NAALADL2: variants seen among roughly 807,000 people sequenced by gnomAD.
The protein encoded by NAALADL2 is N-acetylated alpha-linked acidic dipeptidase like 2, also known as inactive N-acetylated-alpha-linked acidic dipeptidase-like protein 2.
NAALADL2 carries 76 observed loss-of-function variants against 87.2 expected under a neutral mutation model. The ratio of observed to expected loss-of-function variants is 0.87; its 90% confidence interval spans 0.72 to 1.05. The LOEUF is 1.05. Ranked by LOEUF, NAALADL2 falls within the 50% of genes least tolerant of loss-of-function variation. The pLI, the probability that NAALADL2 is intolerant of heterozygous loss-of-function variation, is 0.00. For synonymous variants in NAALADL2, 354 were observed against 331.0 expected, an observed-to-expected ratio of 1.07 and a Z score of -0.75; for missense variants, 1,089 against 945.8, an observed-to-expected ratio of 1.15 and a Z score of -1.99.
At chr3:175,317,704 C>T (rs1312919722) in intron 4 of NAALADL2, among the ~76,000 whole-genome samples, 4 of 151,920 alleles carry the variant, frequency 2.6e-5, no homozygotes, top group Non-Finnish European at 4.4e-5. Flanking sequence ...TGTAAATAGC[C>T]CAAATCATAC....
intron 10 of NAALADL2, among the ~76,000 whole-genome samples, chr3:175,617,784 A>C (rs1725546961): frequency 6.6e-6 from 1 of 152,204 alleles, no homozygotes; most frequent in African/African-American, 2.4e-5. Context: ...GAGAAGCTTT[A>C]CCAAGGCCTC....
chr3:175,268,482 T>C (rs1752312241), intron 4 of NAALADL2, among the ~76,000 whole-genome samples: 1 of 152,070 alleles, frequency 6.6e-6, no homozygotes, highest in Non-Finnish European at 1.5e-5. Context: ...TTATAAACAC[T>C]TTACAATTAG....
chr3:175,092,032 GA>G (rs1720231803), intron 1 of NAALADL2, among the ~76,000 whole-genome samples: 1 of 151,664 alleles, frequency 6.6e-6, no homozygotes, highest in Admixed American at 6.6e-5. Flanking sequence ...AGAATTCGTG[GA>G]AAAAAATAGT....
chr3:175,092,777 G>A (rs551240931), intron 1 of NAALADL2, among the ~76,000 whole-genome samples: 30 of 151,986 alleles, frequency 2.0e-4, no homozygotes, highest in South Asian at 4.1e-4. Flanking sequence ...GTATGTAAAA[G>A]ATAAATGTCT....
intron 9 of NAALADL2, among the ~76,000 whole-genome samples, chr3:175,507,372 A>G (rs1397245890): frequency 3.3e-5 from 5 of 152,102 alleles, no homozygotes; most frequent in African/African-American, 1.2e-4. Context: ...TTCAGCTCTT[A>G]ACTATCCAGC....
intron 11 of NAALADL2, among the ~76,000 whole-genome samples, chr3:175,693,930 T>G (rs753947367): frequency 3.3e-5 from 5 of 152,142 alleles, no homozygotes; most frequent in Admixed American, 6.5e-5. Context: ...CTTGACCTAG[T>G]GATTCATCTG....
intron 2 of NAALADL2, among the ~76,000 whole-genome samples, chr3:174,716,270 C>G (rs954376570): frequency 2.6e-5 from 4 of 152,076 alleles, no homozygotes; most frequent in African/African-American, 9.7e-5. Flanking sequence ...GCCAGATCAG[C>G]CAACTAACCA....
intron 2 of NAALADL2, among the ~76,000 whole-genome samples, chr3:175,195,435 G>C (rs1738838891): frequency 6.6e-6 from 1 of 151,788 alleles, no homozygotes; most frequent in African/African-American, 2.4e-5. Flanking sequence ...GGTGAGGAGG[G>C]GGTGCTGAAT....
At chr3:174,729,656 T>C (rs1345554825) in intron 2 of NAALADL2, among the ~76,000 whole-genome samples, 3 of 152,084 alleles carry the variant, frequency 2.0e-5, no homozygotes, top group African/African-American at 7.2e-5. Context: ...ATATTCTATC[T>C]TTTAATATAA....
intron 2 of NAALADL2, among the ~76,000 whole-genome samples, chr3:175,140,970 A>C (rs745713780): frequency 1.3e-5 from 2 of 152,182 alleles, no homozygotes; most frequent in Admixed American, 6.5e-5. Flanking sequence ...CAGAGTGGAT[A>C]ATTTTAAAAA....
chr3:174,721,877 A>G (rs955942719), intron 2 of NAALADL2, among the ~76,000 whole-genome samples: 1 of 152,180 alleles, frequency 6.6e-6, no homozygotes, highest in African/African-American at 2.4e-5. Context: ...TCAGTAAGCA[A>G]GACTGATTTT....
At chr3:175,034,342 A>C (rs1403833643) in intron 1 of NAALADL2, among the ~76,000 whole-genome samples, 1 of 152,158 alleles carries the variant, frequency 6.6e-6, no homozygotes, top group Non-Finnish European at 1.5e-5. Context: ...CCTTCAGTTA[A>C]GTTGGATGAA....
chr3:175,737,574 G>C (rs1744662825), intron 12 of NAALADL2, among the ~76,000 whole-genome samples, 175 bp downstream of exon 12: 1 of 152,146 alleles, frequency 6.6e-6, no homozygotes, highest in South Asian at 2.1e-4. Context: ...CAACAAAAAT[G>C]AGATGCACGG....
intron 10 of NAALADL2, among the ~76,000 whole-genome samples, chr3:175,591,702 G>A (rs1265900590): frequency 6.6e-6 from 1 of 151,088 alleles, no homozygotes; most frequent in Admixed American, 6.6e-5. Context: ...ATCAAACTGA[G>A]TGACTCATTT....
chr3:174,784,826 T>C lies in NAALADL2; in HGVS notation c.-9+47080T>C, dbSNP rs1474984812. 3.9e-5 allele frequency among the ~76,000 whole-genome samples: 6 copies of C among 152,208 alleles called. No individual in the cohort carries two copies. In the East Asian group the frequency reaches 1.2e-3, roughly 29 times the overall value. ...GTCTCTTGTTTGTCATGAACCTTAT[T>C]GTATAGGCAGTTGTTCAATTGTTTA... On this transcript the variant is annotated intron_variant, in intron 3 of 3. Coordinates refer to the NAALADL2 transcript ENST00000434257.
rs778921979 is a variant in NAALADL2 at position 175,755,438 on chromosome 3, A to C, written c.2189+20A>C. 3 of 1,535,738 alleles carry C rather than the reference A, an allele frequency of 2.0e-6. No homozygotes were observed. In the South Asian group the frequency reaches 3.7e-5, roughly 19 times the overall value. ...TTATAGGTAGGATGCATGTCTCAAAAATTATACTTTTTGCCCTACATTAAA... is the reference window on the plus strand; with the variant it reads ...TTATAGGTAGGATGCATGTCTCAAACATTATACTTTTTGCCCTACATTAAA... On this transcript the variant is annotated intron_variant, in intron 13 of 13. Coordinates refer to ENST00000454872, the MANE Select transcript of NAALADL2 (RefSeq NM_207015.3).
At chr3:175,638,911 T>C (rs958404494) in intron 11 of NAALADL2, among the ~76,000 whole-genome samples, 2 of 152,210 alleles carry the variant, frequency 1.3e-5, no homozygotes, top group African/African-American at 4.8e-5. Flanking sequence ...TAATGAATTG[T>C]AGTTGTTCTT....
intron 3 of NAALADL2, among the ~76,000 whole-genome samples, chr3:174,745,169 G>GA (rs1734130352): frequency 6.6e-6 from 1 of 151,400 alleles, no homozygotes; most frequent in South Asian, 2.1e-4. Flanking sequence ...GCTGGTTTTT[G>GA]AAAAAAATAA....
intron 9 of NAALADL2, among the ~76,000 whole-genome samples, chr3:175,500,288 G>A (rs1307829219): frequency 6.6e-6 from 1 of 152,028 alleles, no homozygotes; most frequent in Non-Finnish European, 1.5e-5. Flanking sequence ...ATTTACTTTT[G>A]GCTGGAGGAA....
Sources: gnomAD v4.1 joint callset for allele counts (sites outside exome capture counted in the v4.1 genomes callset) on GRCh38, gnomAD v4.1.1 for gene constraint, MANE v1.5 for transcripts, NCBI Gene and HGNC (gene_info 2026-07-23, HGNC 2026-07-21) for gene names.